Variants in ZNF850 observed in about 807,000 individuals in gnomAD.
ZNF850 encodes zinc finger protein 850.
ZNF850 carries 2 observed loss-of-function variants against 11.9 expected under a neutral mutation model. The observed-to-expected ratio is 0.17, with a 90% confidence interval of 0.07 to 0.53. The LOEUF is 0.53. ZNF850 is among the 20% of genes least tolerant of loss of function. The probability of loss-of-function intolerance (pLI) is 0.94; values close to 1 mark genes in which losing one functional copy is unlikely to be tolerated. For synonymous variants in ZNF850, 381 were observed against 443.0 expected (o/e 0.86, Z 1.76); for missense variants, 1,014 against 1,316.4 (o/e 0.77, Z 3.55).
chr19:36,748,466 T>C lies in ZNF850; in HGVS notation c.2574A>G (p.Glu858=). Residue 858 remains glutamate, a synonymous_variant, in exon 5 of 5, where the codon GAA becomes GAG. Coordinates refer to ENST00000591344, the MANE Select transcript of ZNF850 (RefSeq NM_001193552.2). ...KSFTSRSTLI[E]HQRIHTGEKP... ...TCTCACCAGTGTGAATTCGCTGATG[T>C]TCAATTAGTGTTGAGCGAGAAGTAA... The C allele has an allele frequency of 1.3e-6, 2 of 1,549,622 alleles. No homozygotes were observed. The highest frequency in any genetic ancestry group is 2.4e-5 in the East Asian group (1 of 41,516).
chr19:36,755,728 T>A (rs1424733991), intron 4 of ZNF850, among the ~76,000 whole-genome samples: 17 of 147,610 alleles, frequency 1.2e-4, no homozygotes, highest in African/African-American at 3.7e-4. Context: ...AACTAACACG[T>A]ACAGGGAAAT....
rs989632781 is a variant in ZNF850, at chr19:36,744,170, T to G, written c.*3597A>C. On this transcript the variant is annotated 3_prime_UTR_variant, in exon 5 of 5. Coordinates refer to ENST00000591344, the MANE Select transcript of ZNF850 (RefSeq NM_001193552.2). Reference sequence around the variant, plus strand: ...CCAGCCTGGGCAACAATAGCAAAACTCCCGTCTCAAAAAAAAAAAAAAGGA... The same window carrying G: ...CCAGCCTGGGCAACAATAGCAAAACGCCCGTCTCAAAAAAAAAAAAAAGGA... 2 of 119,798 alleles carry G rather than the reference T, an allele frequency of 1.7e-5. No individual in the cohort carries two copies. Among genetic ancestry groups the G allele is most frequent in the South Asian group, 5.3e-4 (2 of 3,806 alleles). The allele number at this position is 119,798 out of a possible 1,614,324, so 7.4% of individuals were successfully genotyped here.
At position 36,750,365 on chromosome 19, in the gene ZNF850, A is replaced by C. The variant is rs1191845209; in HGVS notation, c.675T>G (p.Cys225Trp). The change falls in exon 5 of 5, where the codon TGT becomes TGG. Residue 225 changes from cysteine to tryptophan, a missense_variant. Around this residue, in one of 2 missense-constraint regions of ZNF850, gnomAD observed 835 missense variants for 1,022.0 expected, o/e 0.82. Coordinates refer to ENST00000591344, the MANE Select transcript of ZNF850 (RefSeq NM_001193552.2). ...HQRIHTGEKPCACKEYGKAFI... is the reference protein window; with the variant it reads ...HQRIHTGEKPWACKEYGKAFI... Reference sequence around the variant, plus strand: ...AAGCTTTTCCATATTCTTTACATGCACAGGGCTTTTCCCCAGTATGAATTC... The same window carrying C: ...AAGCTTTTCCATATTCTTTACATGCCCAGGGCTTTTCCCCAGTATGAATTC... 1.3e-6 allele frequency: 2 copies of C among 1,536,438 alleles called. No individual in the cohort carries two copies. The highest frequency in any genetic ancestry group is 2.0e-5 in the Admixed American group (1 of 50,978).
At chr19:36,751,471 C>T (rs750496233) in intron 4 of ZNF850, among the ~76,000 whole-genome samples, 4 of 151,880 alleles carry the variant, frequency 2.6e-5, no homozygotes, top group South Asian at 2.1e-4. Context: ...GAGGCTGAAG[C>T]GGGCGGACCA....
intron 4 of ZNF850, among the ~76,000 whole-genome samples, chr19:36,752,119 G>A (rs1225938561): frequency 1.4e-5 from 2 of 141,972 alleles, no homozygotes; most frequent in African/African-American, 2.6e-5. Context: ...AATTTGAATT[G>A]GCAGTATAAG....
At chr19:36,769,057 T>C (rs1038247032) in intron 1 of ZNF850, among the ~76,000 whole-genome samples, 16 of 151,146 alleles carry the variant, frequency 1.1e-4, no homozygotes, top group Non-Finnish European at 2.4e-4. Context: ...GATCAGGAGT[T>C]CATGACCAGC....
rs2040406976 is a variant in ZNF850, at chr19:36,745,573, G to A, written c.*2194C>T. 1 of 152,130 alleles carries A rather than the reference G, an allele frequency of 6.6e-6. No homozygotes were observed. The highest frequency in any genetic ancestry group is 2.1e-4 in the South Asian group (1 of 4,830). 9.4% of individuals were successfully genotyped at this position (152,130 alleles called of 1,614,324 possible). A position where few individuals can be genotyped will look rare whatever the true frequency, so the allele number is the denominator to read the frequency against. ...CATGCCTGTAATCCCAGTTACTCAG[G>A]AGGCTGAGTCAAGAGAATCGCTTGA... is the stretch of plus-strand genomic sequence containing the variant. On this transcript the variant is annotated 3_prime_UTR_variant, in exon 5 of 5. Transcript: ENST00000591344.
Position 36,747,630 on chromosome 19 carries a change from C to T in ZNF850, c.*137G>A, listed in dbSNP as rs569840047. 2.6e-5 allele frequency: 24 copies of T among 907,922 alleles called. No individual in the cohort carries two copies. Among genetic ancestry groups the T allele is most frequent in the Middle Eastern group, 3.1e-4 (1 of 3,216 alleles). The allele number at this position is 907,922 out of a possible 1,614,324, so 56.2% of individuals were successfully genotyped here. A position where few individuals can be genotyped will look rare whatever the true frequency, so the allele number is the denominator to read the frequency against. The stretch of plus-strand genomic sequence containing the variant: ...CAGCCTGGGCGACAGAGCAAGACTC[C>T]GTCTCAAAAAAAAAAAAAAAAGTCG... On this transcript the variant is annotated 3_prime_UTR_variant, in exon 5 of 5. Coordinates refer to ENST00000591344, the MANE Select transcript of ZNF850 (RefSeq NM_001193552.2).
In ZNF850 at chr19:36,748,908, G is replaced by C; in HGVS notation, c.2132C>G (p.Thr711Ser). The part of the protein sequence containing the change: ...YECKECGKSF[T>S]FCSGLIQHQQ... ...ATGTTGAATTAGTCCTGAGCAGAAA[G>C]TAAAAGATTTCCCACATTCTTTACA... The change falls in exon 5 of 5, where the codon ACT (threonine) becomes AGT (serine). Residue 711 changes from threonine to serine, a missense_variant. Physicochemically the swap from Thr to Ser is moderately conservative, Grantham distance 58. This residue lies in a region of ZNF850 where 835 missense variants were observed against 1,022.0 expected (regional missense o/e 0.82). Transcript: ENST00000591344. 6.4e-7 allele frequency: 1 copy of C among 1,562,622 alleles called. No homozygotes were observed. Among genetic ancestry groups the C allele is most frequent in the East Asian group, 2.4e-5 (1 of 42,134 alleles).
At chr19:36,755,704 A>C (rs1039944507) in intron 4 of ZNF850, among the ~76,000 whole-genome samples, 1 of 151,428 alleles carries the variant, frequency 6.6e-6, no homozygotes, top group East Asian at 1.9e-4. Context: ...AAAAAAAAAA[A>C]CAAAAAACAA....
chr19:36,765,325 G>A (rs1048619760), intron 1 of ZNF850, among the ~76,000 whole-genome samples: 3 of 152,220 alleles, frequency 2.0e-5, no homozygotes, highest in African/African-American at 7.2e-5. Flanking sequence ...GACCGTGGTT[G>A]CAGGGGACAG....
intron 1 of ZNF850, among the ~76,000 whole-genome samples, chr19:36,767,813 G>C (rs1218664418): frequency 2.0e-5 from 3 of 152,052 alleles, no homozygotes; most frequent in East Asian, 1.9e-4. Context: ...GAGTGAAAGG[G>C]ATTTAAGGAA....
At chr19:36,756,835 C>T (rs1386668238) in intron 4 of ZNF850, among the ~76,000 whole-genome samples, 5 of 152,122 alleles carry the variant, frequency 3.3e-5, no homozygotes, top group Admixed American at 6.6e-5. Context: ...AGGCTGGTGT[C>T]GAACTCCTGA....
chr19:36,747,680 A>G lies in ZNF850; in HGVS notation c.*87T>C. ...GTAATTCTGGAAAAAGTGAATATGA[A>G]GTAATACACATCCATTGTATTTGAC... On this transcript the variant is annotated 3_prime_UTR_variant, in exon 5 of 5. Transcript: ENST00000591344. The G allele has an allele frequency of 8.0e-7, 1 of 1,251,904 alleles. No homozygotes were observed. The highest frequency in any genetic ancestry group is 1.1e-6 in the Non-Finnish European group (1 of 939,124). 77.5% of individuals were successfully genotyped at this position (1,251,904 alleles called of 1,614,324 possible).
rs1401481235 is a variant in ZNF850 at position 36,749,861 on chromosome 19, A to G, written c.1179T>C (p.Tyr393=). ...HQRIHTGEKP[Y]DCKECGKSFT... is the part of the protein sequence containing the mutation. ...AAGATTTCCCACATTCCTTACAATCATAGGGTTTCTCACCAGTGTGAATTC... is the reference window on the plus strand; with the variant it reads ...AAGATTTCCCACATTCCTTACAATCGTAGGGTTTCTCACCAGTGTGAATTC... The change falls in exon 5 of 5, where the codon TAT becomes TAC. Residue 393 remains tyrosine (Y), a synonymous_variant. Transcript: ENST00000591344. 1.9e-6 allele frequency: 3 copies of G among 1,579,726 alleles called. No homozygotes were observed. Among genetic ancestry groups the G allele is most frequent in the East Asian group, 2.3e-5 (1 of 43,258 alleles).
intron 4 of ZNF850, among the ~76,000 whole-genome samples, chr19:36,752,212 C>T (rs184062689): frequency 8.5e-5 from 13 of 152,286 alleles, no homozygotes; most frequent in South Asian, 6.2e-4. Flanking sequence ...GCAATGAACA[C>T]GCTAATGACA....
intron 1 of ZNF850, among the ~76,000 whole-genome samples, chr19:36,765,853 G>A (rs1282255600): frequency 2.6e-5 from 4 of 151,614 alleles, no homozygotes; most frequent in South Asian, 2.1e-4. Flanking sequence ...CAAAGTGCTG[G>A]GATTACAGGC....
At chr19:36,765,573 A>G (rs965816040) in intron 1 of ZNF850, among the ~76,000 whole-genome samples, 1 of 146,610 alleles carries the variant, frequency 6.8e-6, no homozygotes, top group South Asian at 2.2e-4. Flanking sequence ...GTACTTATCC[A>G]AAGTAAAGAT....
intron 1 of ZNF850, among the ~76,000 whole-genome samples, chr19:36,769,840 C>T (rs569339162): frequency 6.6e-6 from 1 of 152,114 alleles, no homozygotes; most frequent in South Asian, 2.1e-4. Flanking sequence ...TCCACCAATT[C>T]GATTCTGACA....
Sources: gnomAD v4.1 joint callset for allele counts (sites outside exome capture counted in the v4.1 genomes callset) on GRCh38, gnomAD v4.1.1 for gene constraint, gnomAD v4.1.1 regional missense constraint, MANE v1.5 for transcripts, NCBI Gene and HGNC (gene_info 2026-07-23, HGNC 2026-07-21) for gene names.